SSBP3: variants seen among roughly 807,000 people sequenced by gnomAD.
SSBP3 encodes single stranded DNA binding protein 3.
In SSBP3, 5 loss-of-function variants were observed where a neutral mutation model predicts 69.6. The ratio of observed to expected loss-of-function variants is 0.07; its 90% CI spans 0.04 to 0.15. The LOEUF (loss-of-function observed/expected upper bound fraction) is 0.15. Ranked by LOEUF, SSBP3 falls within the 10% of genes least tolerant of loss-of-function variation. The pLI is 1.00. For synonymous variants in SSBP3, 196 were observed against 193.4 expected (o/e 1.01, Z -0.11); for missense variants, 312 against 534.0 (o/e 0.58, Z 4.10).
intron 4 of SSBP3, among the ~76,000 whole-genome samples, chr1:54,346,238 T>C (rs913108362): frequency 6.6e-6 from 1 of 151,442 alleles, no homozygotes; most frequent in African/African-American, 2.4e-5. Flanking sequence ...GGCAGGAGAA[T>C]TGCTTGAACC....
At chr1:54,391,048 G>A (rs1222555445) in intron 4 of SSBP3, among the ~76,000 whole-genome samples, 4 of 152,230 alleles carry the variant, frequency 2.6e-5, no homozygotes, top group Admixed American at 6.5e-5. Flanking sequence ...CTAAAGGATG[G>A]CACAGACACA....
At chr1:54,389,840 C>T (rs1250325612) in intron 4 of SSBP3, among the ~76,000 whole-genome samples, 1 of 151,714 alleles carries the variant, frequency 6.6e-6, no homozygotes, top group Admixed American at 6.6e-5. Flanking sequence ...GATCATGCTA[C>T]TGCACTCCAG....
chr1:54,303,011 C>T (rs990762638), intron 4 of SSBP3, among the ~76,000 whole-genome samples: 1 of 152,182 alleles, frequency 6.6e-6, no homozygotes, highest in Non-Finnish European at 1.5e-5. Context: ...GAGACAGACA[C>T]GTGAAACAAT....
chr1:54,360,773 G>T (rs1015727244), intron 4 of SSBP3, among the ~76,000 whole-genome samples: 1 of 152,162 alleles, frequency 6.6e-6, no homozygotes, highest in Admixed American at 6.5e-5. Context: ...CCAGGTCATA[G>T]CCTGGATTGT....
intron 13 of SSBP3, among the ~76,000 whole-genome samples, chr1:54,240,472 A>AAAGGGG (rs1553123335): frequency 1.6e-5 from 1 of 63,342 alleles, no homozygotes; most frequent in African/African-American, 6.0e-5. Flanking sequence ...GAAAAAAAAA[A>AAAGGGG]GGGGGGGGGG....
chr1:54,320,930 C>T (rs1326000228), intron 4 of SSBP3, among the ~76,000 whole-genome samples: 1 of 152,198 alleles, frequency 6.6e-6, no homozygotes, highest in East Asian at 1.9e-4. Flanking sequence ...TTATTCCGCT[C>T]TGGGAGGCAG....
intron 5 of SSBP3, among the ~76,000 whole-genome samples, chr1:54,266,826 C>A (rs950993715): frequency 2.0e-5 from 3 of 152,224 alleles, no homozygotes; most frequent in Non-Finnish European, 4.4e-5. Context: ...ACCCTCCATG[C>A]TCACTAATCA....
At chr1:54,303,592 A>C (rs12740348) in intron 4 of SSBP3, among the ~76,000 whole-genome samples, 37,529 of 152,084 alleles carry the variant, frequency 0.25, 5,364 homozygotes, top group Middle Eastern at 0.38. Context: ...CATAAACAGC[A>C]GTCAAGAAAC....
chr1:54,281,562 A>G, intron 4 of SSBP3, 35 bp from the exon 5 acceptor site: 3 of 1,532,380 alleles, frequency 2.0e-6, no homozygotes, highest in Non-Finnish European at 2.7e-6. Context: ...TTAGTGGCCA[A>G]ACCCACAACC....
chr1:54,306,277 C>T (rs562984346), intron 4 of SSBP3, among the ~76,000 whole-genome samples: 60 of 152,304 alleles, frequency 3.9e-4, no homozygotes, highest in African/African-American at 1.3e-3. Context: ...AATATGATAA[C>T]GCACAGCTTG....
At chr1:54,370,489 A>G (rs1647112529) in intron 4 of SSBP3, among the ~76,000 whole-genome samples, 1 of 152,168 alleles carries the variant, frequency 6.6e-6, no homozygotes, top group Non-Finnish European at 1.5e-5. Flanking sequence ...TGTGCCAAGC[A>G]TTTACCATCT....
At chr1:54,227,188 G>GGC (rs754487199) in intron 17 of SSBP3, 28 bp from the exon 18 acceptor site, 29 of 1,042,026 alleles carry the variant, frequency 2.8e-5, no homozygotes, top group East Asian at 2.2e-4. Context: ...AGAAGGGGGG[G>GGC]GGGTGAGGAT....
At chr1:54,235,448 A>ATTTTTTTTTTTTTTTTT (rs71580002) in intron 14 of SSBP3, among the ~76,000 whole-genome samples, 11 of 69,922 alleles carry the variant, frequency 1.6e-4, no homozygotes, top group African/African-American at 2.6e-4. Context: ...TGCCCGGCTG[A>ATTTTTTTTTTTTTTTTT]TTTTTTTTTT....
intron 5 of SSBP3, among the ~76,000 whole-genome samples, chr1:54,269,101 T>C (rs1025394474): frequency 2.0e-5 from 3 of 152,126 alleles, no homozygotes; most frequent in African/African-American, 7.2e-5. Context: ...TTCAGGAACC[T>C]CCTTTCTTTG....
At chr1:54,254,145 G>A (rs544718366) in intron 7 of SSBP3, among the ~76,000 whole-genome samples, 5 of 152,216 alleles carry the variant, frequency 3.3e-5, no homozygotes, top group Non-Finnish European at 7.3e-5. Context: ...ATTACACGCT[G>A]TGCACACACC....
At chr1:54,284,279 T>C (rs1645447930) in intron 4 of SSBP3, among the ~76,000 whole-genome samples, 2 of 152,178 alleles carry the variant, frequency 1.3e-5, no homozygotes, top group South Asian at 2.1e-4. Context: ...TGTCTGCTAA[T>C]GTGGCAGTTA....
upstream of SSBP3, among the ~76,000 whole-genome samples, chr1:54,410,564 G>A (rs1649962576): frequency 1.3e-5 from 2 of 152,316 alleles, no homozygotes; most frequent in Admixed American, 1.3e-4. Flanking sequence ...GAATTGCACG[G>A]GGATACCTCT....
At chr1:54,253,105 G>A (rs1461823044) in intron 7 of SSBP3, among the ~76,000 whole-genome samples, 1 of 151,824 alleles carries the variant, frequency 6.6e-6, no homozygotes, top group East Asian at 1.9e-4. Context: ...TGTGGTTAAG[G>A]TACGAGAGGA....
intron 4 of SSBP3, among the ~76,000 whole-genome samples, chr1:54,333,061 A>ACTTCCC (rs1029421568): frequency 4.6e-5 from 7 of 152,144 alleles, no homozygotes; most frequent in Admixed American, 4.6e-4. Context: ...ACACCTGGTC[A>ACTTCCC]CTTCCCCTCC....
Sources: allele counts gnomAD v4.1 joint callset (sites outside exome capture counted in the v4.1 genomes callset), GRCh38; gene constraint gnomAD v4.1.1; transcripts MANE v1.5; gene names NCBI Gene and HGNC (gene_info 2026-07-23, HGNC 2026-07-21).